RPGR: variants seen among roughly 807,000 people sequenced by gnomAD.
The protein encoded by RPGR is X-linked retinitis pigmentosa GTPase regulator.
Under a neutral mutation model 56.3 loss-of-function variants are expected in RPGR, and 10 were observed. The observed-to-expected ratio is 0.18, with a 90% CI of 0.11 to 0.30. RPGR has a LOEUF of 0.30. Ranked by LOEUF, RPGR falls within the 10% of genes least tolerant of loss-of-function variation. The probability of loss-of-function intolerance (pLI) is 1.00; values close to 1 mark genes in which losing one functional copy is unlikely to be tolerated. For synonymous variants in RPGR, 197 were observed against 212.9 expected, an observed-to-expected ratio of 0.93 and a Z score of 0.65; for missense variants, 538 against 590.9, an observed-to-expected ratio of 0.91 and a Z score of 0.93.
intron 15 of RPGR, among the ~76,000 whole-genome samples, chrX:38,277,156 T>C (rs1316963147): frequency 8.9e-6 from 1 of 112,504 alleles, no homozygotes; most frequent in African/African-American, 3.2e-5. Flanking sequence ...ATTATATTCA[T>C]TTTCCAAAAT....
chrX:38,310,684 G>C lies in RPGR; in HGVS notation c.709C>G (p.Leu237Val). 8.3e-7 allele frequency: 1 copy of C among 1,208,638 alleles called. No individual in the cohort carries two copies. Among genetic ancestry groups the C allele is most frequent in the Non-Finnish European group, 1.1e-6 (1 of 894,431 alleles). Reference sequence around the variant, plus strand: ...ACCTTCTCCGGAATTTCAGACACCAGCTGGGGTGTTCTGTGATTGCCCAGG... The same window carrying C: ...ACCTTCTCCGGAATTTCAGACACCACCTGGGGTGTTCTGTGATTGCCCAGG... The change falls in exon 7 of 19, where the codon CTG (leucine) becomes GTG (valine). Residue 237 changes from leucine (L) to valine (V), a missense_variant. Transcript: ENST00000642395.
In RPGR at chrX:38,294,669, T is replaced by C. The variant is rs187235546; in HGVS notation, c.1414+2615A>G. ...CAAATTTCTTCCTCAAACGTGTTCT[T>C]AGTTTGAGGCTTAGTTCTTAAATTT... On this transcript the variant is annotated intron_variant, in intron 11 of 18. Coordinates refer to ENST00000642395, the MANE Select transcript of RPGR (RefSeq NM_000328.3). Among the ~76,000 whole-genome samples the C allele has an allele frequency of 2.1e-4, 24 of 112,427 alleles. No individual in the cohort carries two copies. The East Asian group carries it at 6.4e-3, about 30-fold the overall frequency.
Position 38,269,613 on chromosome X carries a change from CAT to C in RPGR, c.*11_*12del, listed in dbSNP as rs1406260853. ...ACAATACACTTGGTGACTGTGAAAA[CAT>C]AAATATATATTTATAGTATTGTACA... is the stretch of plus-strand genomic sequence containing the variant. On this transcript the variant is annotated 3_prime_UTR_variant, in exon 19 of 19. Coordinates refer to ENST00000642395, the MANE Select transcript of RPGR (RefSeq NM_000328.3). The C allele has an allele frequency of 8.9e-7, 1 of 1,122,016 alleles. No individual in the cohort carries two copies. The highest frequency in any genetic ancestry group is 1.2e-6 in the Non-Finnish European group (1 of 815,524). 92.5% of individuals were successfully genotyped at this position (1,122,016 alleles called of 1,213,427 possible). A position where few individuals can be genotyped will look rare whatever the true frequency, so the allele number is the denominator to read the frequency against.
intron 7 of RPGR, among the ~76,000 whole-genome samples, chrX:38,306,159 T>C (rs1323150358): frequency 8.9e-6 from 1 of 111,925 alleles, no homozygotes; most frequent in East Asian, 2.8e-4. Flanking sequence ...TTTTGTACTT[T>C]GAGTTTAGTA....
intron 8 of RPGR, among the ~76,000 whole-genome samples, chrX:38,304,163 G>A (rs1042563808): frequency 7.2e-5 from 8 of 111,383 alleles, no homozygotes; most frequent in Non-Finnish European, 1.1e-4. Flanking sequence ...TCTCTAACAC[G>A]TAGAAAGAGA....
rs941325250 is a variant in RPGR, at chrX:38,274,246, C to A, written c.2150-769G>T. Among the ~76,000 whole-genome samples, 7 of 109,876 alleles carry A rather than the reference C, an allele frequency of 6.4e-5. No individual in the cohort carries two copies. In the South Asian group the frequency reaches 2.7e-3, roughly 42 times the overall value. On this transcript the variant is annotated intron_variant, in intron 17 of 18. Coordinates refer to ENST00000642395, the MANE Select transcript of RPGR (RefSeq NM_000328.3). ...TAGATCTCAAGGGCAATCACAGTCT[C>A]CTCTATTCCACAGCACCTGCTCTCT...
chrX:38,301,512 CCA>C (rs755269527), intron 8 of RPGR, 141 bp from the exon 9 acceptor site: 5 of 516,551 alleles, frequency 9.7e-6, no homozygotes, highest in East Asian at 3.7e-5. Flanking sequence ...ATTGATCTTT[CCA>C]CACTCTCTAT....
intron 7 of RPGR, among the ~76,000 whole-genome samples, chrX:38,306,394 T>C (rs1401028196): frequency 8.9e-6 from 1 of 112,374 alleles, no homozygotes; most frequent in Admixed American, 9.4e-5. Context: ...TTCTAAAAAG[T>C]ATCTAATCAA....
intron 11 of RPGR, among the ~76,000 whole-genome samples, chrX:38,296,763 C>T (rs1239603982): frequency 4.5e-5 from 5 of 111,813 alleles, no homozygotes; most frequent in Non-Finnish European, 9.4e-5. Flanking sequence ...GTCAGCCACA[C>T]AGCTAGTAAA....
intron 13 of RPGR, among the ~76,000 whole-genome samples, chrX:38,289,996 A>G (rs902361777): frequency 2.7e-5 from 3 of 112,004 alleles, no homozygotes; most frequent in African/African-American, 9.7e-5. Flanking sequence ...ATCAGTCAAT[A>G]TTCATTGAGC....
At chrX:38,327,194 T>A (rs985097277) in intron 1 of RPGR, 146 bp downstream of exon 1, 32 of 539,682 alleles carry the variant, frequency 5.9e-5, no homozygotes, top group Non-Finnish European at 9.3e-5. Flanking sequence ...CCCTCAGTCA[T>A]TCGCGGGAGC....
At chrX:38,317,102 A>C in intron 6 of RPGR, 1 of 387,615 alleles carries the variant, frequency 2.6e-6, no homozygotes. Flanking sequence ...CTCTATATTC[A>C]CCTAAAAAGT....
chrX:38,324,793 T>C (rs2068014614), intron 1 of RPGR, among the ~76,000 whole-genome samples: 1 of 101,511 alleles, frequency 9.9e-6, no homozygotes, highest in African/African-American at 3.6e-5. Context: ...ATCAGCAAGA[T>C]TTGTGTAACA....
chrX:38,303,971 A>G (rs972142317), intron 8 of RPGR, among the ~76,000 whole-genome samples: 2 of 112,681 alleles, frequency 1.8e-5, no homozygotes, highest in East Asian at 2.8e-4. Flanking sequence ...ACTGTGGACT[A>G]TATCAATTAC....
At chrX:38,279,676 A>G (rs749498033) in intron 15 of RPGR, among the ~76,000 whole-genome samples, 2 of 106,467 alleles carry the variant, frequency 1.9e-5, no homozygotes, top group East Asian at 5.6e-4. Context: ...TTTGTGAAAA[A>G]TATATTGAGG....
chrX:38,306,885 G>C (rs1323883281), intron 7 of RPGR, among the ~76,000 whole-genome samples: 1 of 112,152 alleles, frequency 8.9e-6, no homozygotes, highest in African/African-American at 3.2e-5. Flanking sequence ...GATTGAAGGC[G>C]CTCTTATTTA....
chrX:38,273,004 A>C (rs1336056595), intron 18 of RPGR, among the ~76,000 whole-genome samples: 2 of 112,190 alleles, frequency 1.8e-5, no homozygotes, highest in Non-Finnish European at 3.8e-5. Flanking sequence ...TAACTTCTAA[A>C]ATAAGAAAGA....
intron 8 of RPGR, among the ~76,000 whole-genome samples, chrX:38,302,996 T>C (rs1288132451): frequency 9.1e-6 from 1 of 109,897 alleles, no homozygotes; most frequent in East Asian, 2.8e-4. Context: ...ATAGTAGAGA[T>C]GGGGTTTCAC....
At chrX:38,305,393 T>C (rs1369485344) in intron 7 of RPGR, among the ~76,000 whole-genome samples, 13 of 91,156 alleles carry the variant, frequency 1.4e-4, no homozygotes, top group East Asian at 7.4e-4. Context: ...CCAGCCTGGG[T>C]GACAGAGCGA....
Sources: allele counts gnomAD v4.1 joint callset (sites outside exome capture counted in the v4.1 genomes callset), GRCh38; gene constraint gnomAD v4.1.1; transcripts MANE v1.5; gene names NCBI Gene and HGNC (gene_info 2026-07-23, HGNC 2026-07-21).